TNFSF13B: variants seen among roughly 807,000 people sequenced by gnomAD.
TNFSF13B encodes TNF superfamily member 13b.
TNFSF13B carries 8 observed loss-of-function variants against 29.1 expected under a neutral mutation model. The observed-to-expected ratio is 0.27, with a 90% CI of 0.16 to 0.50. TNFSF13B has a LOEUF of 0.50. TNFSF13B is among the 20% of genes least tolerant of loss of function. The probability of loss-of-function intolerance (pLI) is 0.98; values close to 1 mark genes in which losing one functional copy is unlikely to be tolerated. For synonymous variants in TNFSF13B, 125 were observed against 130.8 expected (o/e 0.96, Z 0.30); for missense variants, 248 against 334.9 (o/e 0.74, Z 2.03).
At position 108,308,239 on chromosome 13, in the gene TNFSF13B, A is replaced by T. The variant is rs1594538613; in HGVS notation, c.*1301A>T. ...AAGGATATACTTTTCAAAACAAACGATTTAAATTTTATGTTTAAAATATAA... is the reference window on the plus strand; with the variant it reads ...AAGGATATACTTTTCAAAACAAACGTTTTAAATTTTATGTTTAAAATATAA... On this transcript the variant is annotated 3_prime_UTR_variant, in exon 6 of 6. Transcript: ENST00000375887. 6.6e-6 allele frequency: 1 copy of T among 152,140 alleles called. No individual in the cohort carries two copies. The highest frequency in any genetic ancestry group is 2.1e-4 in the South Asian group (1 of 4,836). 9.4% of individuals were successfully genotyped at this position (152,140 alleles called of 1,614,324 possible).
intron 3 of TNFSF13B, among the ~76,000 whole-genome samples, chr13:108,288,782 A>G (rs1200579514): frequency 6.6e-6 from 1 of 152,212 alleles, no homozygotes; most frequent in African/African-American, 2.4e-5. Context: ...GCAGCAAAGC[A>G]GGCGGGGGCA....
chr13:108,274,798 T>C (rs1437736932), intron 2 of TNFSF13B, among the ~76,000 whole-genome samples: 1 of 152,188 alleles, frequency 6.6e-6, no homozygotes, highest in Admixed American at 6.5e-5. Flanking sequence ...TTTATTTATG[T>C]TCATATTTAT....
intron 5 of TNFSF13B, among the ~76,000 whole-genome samples, chr13:108,305,273 A>G (rs1403674268): frequency 6.6e-6 from 1 of 152,144 alleles, no homozygotes; most frequent in Non-Finnish European, 1.5e-5. Flanking sequence ...ATGTTTCCAT[A>G]GCAACCTGAA....
intron 3 of TNFSF13B, among the ~76,000 whole-genome samples, chr13:108,289,538 T>A (rs1385330078): frequency 5.4e-5 from 8 of 148,262 alleles, no homozygotes; most frequent in Admixed American, 6.8e-5. Flanking sequence ...ATTATTAATA[T>A]TATTAGCATA....
intron 3 of TNFSF13B, among the ~76,000 whole-genome samples, chr13:108,294,628 T>A (rs147185535): frequency 6.5e-4 from 99 of 152,304 alleles, no homozygotes; most frequent in African/African-American, 2.3e-3. Context: ...GTTAGGATAA[T>A]CTTGAGGATT....
At chr13:108,294,137 C>A (rs1183892267) in intron 3 of TNFSF13B, among the ~76,000 whole-genome samples, 2 of 151,004 alleles carry the variant, frequency 1.3e-5, no homozygotes, top group Non-Finnish European at 2.9e-5. Context: ...TGAAACTTAA[C>A]TGAATTCATT....
chr13:108,283,596 A>G (rs900671340), intron 2 of TNFSF13B, among the ~76,000 whole-genome samples: 4 of 152,180 alleles, frequency 2.6e-5, no homozygotes, highest in African/African-American at 9.6e-5. Context: ...TATTAGGTAA[A>G]CTTCTCTCTG....
rs1425773061 is a variant in TNFSF13B, at chr13:108,295,369, T to C, written c.482-7884T>C. Among the ~76,000 whole-genome samples, 5 of 144,484 alleles carry C rather than the reference T, an allele frequency of 3.5e-5. 1 individual carries two copies. Among genetic ancestry groups the C allele is most frequent in the African/African-American group, 7.8e-5 (3 of 38,278 alleles). 94.8% of individuals were successfully genotyped at this position (144,484 alleles called of 152,430 possible). ...TTATTTATTTATTTATTTTTTGTATTTTTAGTAGAGACTGGATTTCACCAT... is the reference window on the plus strand; with the variant it reads ...TTATTTATTTATTTATTTTTTGTATCTTTAGTAGAGACTGGATTTCACCAT... On this transcript the variant is annotated intron_variant, in intron 3 of 5. Transcript: ENST00000375887.
At position 108,284,690 on chromosome 13, in the gene TNFSF13B, C is replaced by T. The variant is rs112133447; in HGVS notation, c.425-2113C>T. 1.6e-3 allele frequency among the ~76,000 whole-genome samples: 246 copies of T among 152,272 alleles called. 1 individual carries two copies. Among genetic ancestry groups the T allele is most frequent in the African/African-American group, 5.0e-3 (207 of 41,554 alleles). The stretch of plus-strand genomic sequence containing the variant: ...GCAAAGTTTAAAAATCTGACTTTGA[C>T]GTTCATCAACATCCTCCCTTGTTTT... On this transcript the variant is annotated intron_variant, in intron 2 of 5. Coordinates refer to ENST00000375887, the MANE Select transcript of TNFSF13B (RefSeq NM_006573.5).
At chr13:108,303,155 A>T in intron 3 of TNFSF13B, 98 bp from the exon 4 acceptor site, 6 of 774,520 alleles carry the variant, frequency 7.7e-6, no homozygotes, top group Non-Finnish European at 1.2e-5. Context: ...TTTAGGATGG[A>T]ATTATCTTCT....
chr13:108,277,392 C>G (rs1392242398), intron 2 of TNFSF13B, among the ~76,000 whole-genome samples: 1 of 152,114 alleles, frequency 6.6e-6, no homozygotes, highest in African/African-American at 2.4e-5. Flanking sequence ...ATGGATATTG[C>G]TATTCCCATT....
chr13:108,288,598 T>C (rs746474149), intron 3 of TNFSF13B, among the ~76,000 whole-genome samples: 11 of 152,232 alleles, frequency 7.2e-5, no homozygotes, highest in Non-Finnish European at 1.5e-4. Flanking sequence ...CCTGAATGTA[T>C]GTGGCTTTCA....
intron 2 of TNFSF13B, among the ~76,000 whole-genome samples, chr13:108,279,602 T>C (rs898481356): frequency 2.6e-5 from 4 of 152,154 alleles, no homozygotes; most frequent in Non-Finnish European, 4.4e-5. Context: ...AGGAACTGTT[T>C]TGTATTCCAG....
In TNFSF13B at chr13:108,270,301, A is replaced by G. The variant is rs200754522; in HGVS notation, c.340-39A>G. ...TACACTGCTGCCTCTCCCTCGCCTC[A>G]GCTGTCTTTCTAATAACTTGAAGTT... On this transcript the variant is annotated intron_variant, in intron 1 of 5. Coordinates refer to ENST00000375887, the MANE Select transcript of TNFSF13B (RefSeq NM_006573.5). 116 of 1,613,918 alleles carry G rather than the reference A, an allele frequency of 7.2e-5. No homozygotes were observed. The African/African-American group carries it at 1.5e-3, about 21-fold the overall frequency.
At chr13:108,276,082 A>G (rs1468580810) in intron 2 of TNFSF13B, among the ~76,000 whole-genome samples, 2 of 152,204 alleles carry the variant, frequency 1.3e-5, no homozygotes, top group Non-Finnish European at 2.9e-5. Flanking sequence ...ACAAGTCTGT[A>G]ATGTCCAGTC....
At chr13:108,279,198 C>T (rs752055824) in intron 2 of TNFSF13B, among the ~76,000 whole-genome samples, 1 of 151,948 alleles carries the variant, frequency 6.6e-6, no homozygotes, top group Non-Finnish European at 1.5e-5. Flanking sequence ...TATTATTCCA[C>T]GGATTTTTTT....
At chr13:108,275,560 A>T (rs1426127695) in intron 2 of TNFSF13B, among the ~76,000 whole-genome samples, 1 of 152,150 alleles carries the variant, frequency 6.6e-6, no homozygotes, top group Non-Finnish European at 1.5e-5. Context: ...AATGTAAAGC[A>T]AGAATAGAAA....
At chr13:108,295,605 T>G (rs1881441395) in intron 3 of TNFSF13B, among the ~76,000 whole-genome samples, 1 of 145,728 alleles carries the variant, frequency 6.9e-6, no homozygotes, top group South Asian at 2.1e-4. Flanking sequence ...CTTCTTCTAT[T>G]TCTATTTCCT....
At chr13:108,290,231 G>GA (rs58704817) in intron 3 of TNFSF13B, among the ~76,000 whole-genome samples, 15 of 150,724 alleles carry the variant, frequency 1.0e-4, no homozygotes, top group Non-Finnish European at 1.8e-4. Context: ...ATCCTCATAT[G>GA]AAAAAAAAAG....
Sources: allele counts gnomAD v4.1 joint callset (sites outside exome capture counted in the v4.1 genomes callset), GRCh38; gene constraint gnomAD v4.1.1; transcripts MANE v1.5; gene names NCBI Gene and HGNC (gene_info 2026-07-23, HGNC 2026-07-21).